Variants in ARHGAP18 observed in about 807,000 individuals in gnomAD.
ARHGAP18 encodes the protein rho GTPase-activating protein 18.
In ARHGAP18, 67 loss-of-function variants were observed where a neutral mutation model predicts 86.2. The ratio of observed to expected loss-of-function variants is 0.78; its 90% CI spans 0.64 to 0.95. ARHGAP18 has a LOEUF of 0.95. ARHGAP18 is among the 40% of genes least tolerant of loss of function. The pLI is 0.00. For missense variants in ARHGAP18, 691 were observed against 780.4 expected (o/e 0.89, Z 1.37); for synonymous variants, 283 against 280.4 (o/e 1.01, Z -0.09).
In ARHGAP18 at chr6:129,690,248, G is replaced by T. The variant is rs117440867; in HGVS notation, c.113+19776C>A. 7.0e-3 allele frequency among the ~76,000 whole-genome samples: 1,059 copies of T among 152,210 alleles called. 8 individuals are homozygous for T. Among genetic ancestry groups the T allele is most frequent in the Non-Finnish European group, 0.011 (773 of 68,006 alleles). ...TCTTCACATACATGCAGTGCCTAAA[G>T]TGTAACCGTTCACAAAAATGAATAA... On this transcript the variant is annotated intron_variant, in intron 1 of 14. Transcript: ENST00000368149.
At chr6:129,688,688 A>G (rs1229405916) in intron 1 of ARHGAP18, among the ~76,000 whole-genome samples, 3 of 152,162 alleles carry the variant, frequency 2.0e-5, no homozygotes, top group Admixed American at 2.0e-4. Flanking sequence ...GCTACTTGGG[A>G]GGCTTAGGCA....
intron 1 of ARHGAP18, among the ~76,000 whole-genome samples, chr6:129,660,690 T>A (rs956573576): frequency 2.4e-4 from 36 of 152,048 alleles, no homozygotes; most frequent in African/African-American, 8.2e-4. Context: ...TTTAACAAAA[T>A]CCCAAGGTGA....
At chr6:129,627,861 T>G (rs1789513679) in intron 5 of ARHGAP18, among the ~76,000 whole-genome samples, 1 of 152,206 alleles carries the variant, frequency 6.6e-6, no homozygotes, top group Admixed American at 6.5e-5. Context: ...TTAAAAATTC[T>G]TAGCATTTTT....
intron 12 of ARHGAP18, among the ~76,000 whole-genome samples, chr6:129,598,187 T>C (rs1202240794): frequency 6.6e-6 from 1 of 152,120 alleles, no homozygotes; most frequent in Admixed American, 6.6e-5. Context: ...CTAAAAGCCT[T>C]TAGGATAATA....
intron 1 of ARHGAP18, among the ~76,000 whole-genome samples, chr6:129,647,146 A>C (rs1449134743): frequency 6.6e-6 from 1 of 151,894 alleles, no homozygotes; most frequent in African/African-American, 2.4e-5. Flanking sequence ...TTTAAAAAAA[A>C]CCCCTCCCTT....
At position 129,676,912 on chromosome 6, in the gene ARHGAP18, CCTCTTTTTTT is replaced by C. The variant is rs1381081033; in HGVS notation, c.113+33102_113+33111del. On this transcript the variant is annotated intron_variant, in intron 1 of 14. Transcript: ENST00000368149. ...TGAAAACAGATGAAAAATTTTTTGT[CCTCTTTTTTT>C]TTTTTTTTTTTTTTTTTTTTTTTTT... is the stretch of plus-strand genomic sequence containing the variant. Among the ~76,000 whole-genome samples, 269 of 103,854 alleles carry C rather than the reference CCTCTTTTTTT, an allele frequency of 2.6e-3. 7 individuals carry two copies. Among genetic ancestry groups the C allele is most frequent in the South Asian group, 3.7e-3 (12 of 3,228 alleles). The allele number at this position is 103,854 out of a possible 152,430, so 68.1% of individuals were successfully genotyped here. A position where few individuals can be genotyped will look rare whatever the true frequency, so the allele number is the denominator to read the frequency against.
chr6:129,629,767 C>T (rs1773158654), intron 4 of ARHGAP18, among the ~76,000 whole-genome samples: 1 of 152,048 alleles, frequency 6.6e-6, no homozygotes, highest in Non-Finnish European at 1.5e-5. Flanking sequence ...GACCACAATC[C>T]TCAAACTGGG....
At chr6:129,616,983 T>A (rs1376309531) in intron 6 of ARHGAP18, among the ~76,000 whole-genome samples, 1 of 152,180 alleles carries the variant, frequency 6.6e-6, no homozygotes, top group Non-Finnish European at 1.5e-5. Flanking sequence ...ATATCATTCA[T>A]CTTTTCCATA....
In ARHGAP18 at chr6:129,634,104, G is replaced by A. The variant is rs780639831; in HGVS notation, c.554C>T (p.Ala185Val). The A allele has an allele frequency of 4.5e-5, 73 of 1,613,104 alleles. No individual in the cohort carries two copies. The Admixed American group carries it at 7.2e-4, about 16-fold the overall frequency. ...TGACTGCGATTCAGTGCCACCTGGA[G>A]CCTAAACATAGAAAACAGGCCATTT... ...FAQQRESKET[A>V]PGGTESQSLR... The change falls in exon 4 of 15, where the codon GCT becomes GTT. Residue 185 changes from alanine (A) to valine (V), a missense_variant and splice_region_variant. By Grantham distance (64) the Ala-to-Val change is moderately conservative. Coordinates refer to ENST00000368149, the MANE Select transcript of ARHGAP18 (RefSeq NM_033515.3).
At chr6:129,672,313 G>A (rs1774155730) in intron 1 of ARHGAP18, among the ~76,000 whole-genome samples, 1 of 152,168 alleles carries the variant, frequency 6.6e-6, no homozygotes, top group Admixed American at 6.5e-5. Flanking sequence ...AGATCACAAA[G>A]ATCTCTAACT....
chr6:129,673,847 G>T (rs903626708), intron 1 of ARHGAP18, among the ~76,000 whole-genome samples: 1 of 152,098 alleles, frequency 6.6e-6, no homozygotes, highest in South Asian at 2.1e-4. Context: ...ATGCAGAAAA[G>T]GAAGTAGATA....
intron 12 of ARHGAP18, among the ~76,000 whole-genome samples, chr6:129,591,998 T>C (rs1287968163): frequency 6.6e-6 from 1 of 152,180 alleles, no homozygotes; most frequent in Non-Finnish European, 1.5e-5. Context: ...CCAAATGCCT[T>C]AAACTTTTAT....
At chr6:129,675,443 C>A (rs1445404423) in intron 1 of ARHGAP18, among the ~76,000 whole-genome samples, 1 of 151,522 alleles carries the variant, frequency 6.6e-6, no homozygotes, top group Non-Finnish European at 1.5e-5. Context: ...CAATCTCACA[C>A]TGATGAGCTA....
chr6:129,637,255 G>T (rs567796102), intron 3 of ARHGAP18, among the ~76,000 whole-genome samples: 1 of 152,208 alleles, frequency 6.6e-6, no homozygotes, highest in East Asian at 1.9e-4. Flanking sequence ...TGTAGAGATT[G>T]GGTTTTGCTA....
intron 5 of ARHGAP18, among the ~76,000 whole-genome samples, chr6:129,627,736 A>C (rs1468155440): frequency 2.0e-5 from 3 of 152,120 alleles, no homozygotes; most frequent in African/African-American, 7.2e-5. Context: ...AAGATGTATT[A>C]ACTAATTGCA....
chr6:129,609,117 G>C (rs1186591414), intron 8 of ARHGAP18, among the ~76,000 whole-genome samples: 3 of 151,552 alleles, frequency 2.0e-5, no homozygotes, highest in Non-Finnish European at 4.4e-5. Flanking sequence ...GAAAGAATGA[G>C]CAGGGAAAGA....
intron 12 of ARHGAP18, among the ~76,000 whole-genome samples, chr6:129,588,121 C>CTTTTTTTT (rs398066269): frequency 7.0e-6 from 1 of 142,588 alleles, no homozygotes; most frequent in African/African-American, 2.6e-5. Context: ...GTCACCAAAT[C>CTTTTTTTT]TTTTTTTTTT....
chr6:129,608,332 G>A (rs184557410), intron 8 of ARHGAP18, among the ~76,000 whole-genome samples: 214 of 152,046 alleles, frequency 1.4e-3, no homozygotes, highest in African/African-American at 4.7e-3. Context: ...AAGTAATAAA[G>A]TTTTAATTAA....
At chr6:129,613,246 A>G (rs528984349) in intron 7 of ARHGAP18, among the ~76,000 whole-genome samples, 37 of 151,604 alleles carry the variant, frequency 2.4e-4, no homozygotes, top group African/African-American at 8.2e-4. Context: ...AAAAAAAAAA[A>G]AAAGAAAAGA....
Sources: gnomAD v4.1 joint callset for allele counts (sites outside exome capture counted in the v4.1 genomes callset) on GRCh38, gnomAD v4.1.1 for gene constraint, MANE v1.5 for transcripts, NCBI Gene and HGNC (gene_info 2026-07-23, HGNC 2026-07-21) for gene names.